GNL3L: variants seen among roughly 807,000 people sequenced by gnomAD.
GNL3L encodes the protein G protein nucleolar 3 like, also known as guanine nucleotide-binding protein-like 3-like protein.
In GNL3L, 4 loss-of-function variants were observed where a neutral mutation model predicts 42.9. That is an observed-to-expected ratio of 0.09 (90% confidence interval 0.05 to 0.21). The LOEUF is 0.21. Among genes scored for constraint, GNL3L ranks in the 10% least tolerant of loss-of-function variants. The probability of loss-of-function intolerance (pLI) is 1.00; values close to 1 mark genes in which losing one functional copy is unlikely to be tolerated. For synonymous variants in GNL3L, 159 were observed against 176.3 expected (o/e 0.90, Z 0.78); for missense variants, 412 against 481.7 (o/e 0.86, Z 1.36).
intron 1 of GNL3L, 62 bp from the exon 2 acceptor site, chrX:54,532,458 G>C (rs1924280555): frequency 1.6e-6 from 1 of 629,394 alleles, no homozygotes; most frequent in Non-Finnish European, 2.7e-6. Flanking sequence ...GGACTTAGGA[G>C]GGGGCTTGTG....
the GNL3L span, among the ~76,000 whole-genome samples, chrX:54,630,241 TA>T: frequency 1.2e-3 from 137 of 111,502 alleles, no homozygotes; most frequent in Admixed American, 2.4e-3. Flanking sequence ...ATTTTTTTGT[TA>T]AAATTTTATT....
chrX:54,615,410 T>C (rs1926209207), intron 16 of GNL3L, among the ~76,000 whole-genome samples: 1 of 112,232 alleles, frequency 8.9e-6, no homozygotes, highest in African/African-American at 3.2e-5. Flanking sequence ...GTACTAGTTT[T>C]CATTTCTTTT....
Position 54,532,585 on chromosome X carries a change from A to C in GNL3L, c.19A>C (p.Lys7Gln). The stretch of plus-strand genomic sequence containing the variant: ...GGTCATCATGATGAAACTTAGACAC[A>C]GTGAGTTTCCTTTACCACCCCTCCC... The part of the protein sequence containing the change: MMKLRH[K>Q]NKKPGEGSKG... The change falls in exon 2 of 16, where the codon AAA (lysine) becomes CAA (glutamine). Residue 7 changes from lysine to glutamine, a missense_variant and splice_region_variant. Transcript: ENST00000360845. The C allele has an allele frequency of 2.6e-6, 3 of 1,172,360 alleles. No individual in the cohort carries two copies. Among genetic ancestry groups the C allele is most frequent in the Non-Finnish European group, 3.5e-6 (3 of 859,431 alleles).
chrX:54,625,694 A>C (rs1203312251), downstream of GNL3L, among the ~76,000 whole-genome samples: 1 of 111,150 alleles, frequency 9.0e-6, no homozygotes, highest in East Asian at 2.8e-4. Context: ...GAAATAACTA[A>C]AATATCTAAT....
At chrX:54,615,664 G>A (rs1004240522) in intron 16 of GNL3L, among the ~76,000 whole-genome samples, 13 of 109,564 alleles carry the variant, frequency 1.2e-4, no homozygotes, top group African/African-American at 3.7e-4. Flanking sequence ...CTTTACCTTC[G>A]AAAACAGATG....
At chrX:54,549,240 AAG>A (rs1266157796) in intron 9 of GNL3L, among the ~76,000 whole-genome samples, 38 of 111,606 alleles carry the variant, frequency 3.4e-4, no homozygotes, top group Non-Finnish European at 6.8e-4. Context: ...CATAGCTCTT[AAG>A]TACACATACA....
At chrX:54,597,469 G>A (rs912697851) in intron 16 of GNL3L, among the ~76,000 whole-genome samples, 2 of 111,074 alleles carry the variant, frequency 1.8e-5, no homozygotes, top group Admixed American at 1.9e-4. Flanking sequence ...TGGAAGGAAG[G>A]CATCTTTTTT....
downstream of GNL3L, among the ~76,000 whole-genome samples, chrX:54,622,047 T>C (rs1193772571): frequency 9.0e-6 from 1 of 110,765 alleles, no homozygotes; most frequent in African/African-American, 3.3e-5. Context: ...TCCACTTTAC[T>C]TTTAGAGTGC....
intron 16 of GNL3L, among the ~76,000 whole-genome samples, chrX:54,618,433 A>C (rs751170474): frequency 1.8e-5 from 2 of 111,369 alleles, no homozygotes; most frequent in African/African-American, 6.5e-5. Context: ...TTTTCAACAG[A>C]TCCATGTTCT....
intron 16 of GNL3L, among the ~76,000 whole-genome samples, chrX:54,612,311 A>C (rs142498097): frequency 9.0e-6 from 1 of 110,986 alleles, no homozygotes; most frequent in East Asian, 2.8e-4. Context: ...GTTAGTCCTT[A>C]TGTGTTAGGT....
chrX:54,562,888 A>G lies in GNL3L; in HGVS notation c.*2286A>G, dbSNP rs777151730. On this transcript the variant is annotated 3_prime_UTR_variant, in exon 16 of 16. Coordinates refer to ENST00000360845, the MANE Select transcript of GNL3L (RefSeq NM_001184819.2). ...GGAACCCAAGCGTGATTAAAACCCT[A>G]TGCAGGCCCTTTCCTCTATATTGTA... Among the ~76,000 whole-genome samples, 3 of 110,750 alleles carry G rather than the reference A, an allele frequency of 2.7e-5. No homozygotes were observed. The highest frequency in any genetic ancestry group is 5.7e-5 in the Non-Finnish European group (3 of 53,015).
In GNL3L at chrX:54,565,648, T is replaced by A; in HGVS notation, c.*5046T>A. 9.1e-6 allele frequency among the ~76,000 whole-genome samples: 1 copy of A among 110,461 alleles called. No homozygotes were observed. The highest frequency in any genetic ancestry group is 2.9e-4 in the East Asian group (1 of 3,497). On this transcript the variant is annotated 3_prime_UTR_variant, in exon 16 of 16. Coordinates refer to ENST00000360845, the MANE Select transcript of GNL3L (RefSeq NM_001184819.2). The stretch of plus-strand genomic sequence containing the variant: ...CCATGCCCAGCCAGGTTTTTTGACA[T>A]TAAGTATGTGGTGGTATCTCATCGT...
Position 54,608,001 on chromosome X carries a change from CAT to C in GNL3L, c.*46-12842_*46-12841del, listed in dbSNP as rs1359981477. Among the ~76,000 whole-genome samples the C allele has an allele frequency of 2.7e-5, 3 of 111,763 alleles. No homozygotes were observed. In the East Asian group the frequency reaches 8.4e-4, roughly 31 times the overall value. On this transcript the variant is annotated intron_variant, in intron 16 of 16. Transcript: ENST00000674498. The stretch of plus-strand genomic sequence containing the variant: ...CATAATGTTAACTGAAAAAGCAAGT[CAT>C]AAAAGAAAACACAAAATAATCTTTG...
Position 54,554,604 on chromosome X carries a change from C to A in GNL3L, c.1358C>A (p.Thr453Lys), listed in dbSNP as rs772121803. The A allele has an allele frequency of 1.7e-6, 2 of 1,202,306 alleles. No homozygotes were observed. Among genetic ancestry groups the A allele is most frequent in the Non-Finnish European group, 2.3e-6 (2 of 887,231 alleles). ...GAATCTGATGAGCTGTTGGGTGACA[C>A]GGACCCACTTGAAATGGAGATCAAG... Reference protein sequence around the residue: ...TGESDELLGDTDPLEMEIKLL... With the variant: ...TGESDELLGDKDPLEMEIKLL... Residue 453 changes from threonine to lysine, a missense_variant, in exon 14 of 16, where the codon ACG (threonine) becomes AAG (lysine). Transcript: ENST00000360845.
In GNL3L at chrX:54,544,192, C is replaced by T. The variant is rs749695251; in HGVS notation, c.527-31C>T. ...AACCATGGAGGTGTTGTTCTGCTTACCAGCCCCATCTGTTCCTATATTTAC... is the reference window on the plus strand; with the variant it reads ...AACCATGGAGGTGTTGTTCTGCTTATCAGCCCCATCTGTTCCTATATTTAC... On this transcript the variant is annotated intron_variant, in intron 7 of 15. Coordinates refer to ENST00000360845, the MANE Select transcript of GNL3L (RefSeq NM_001184819.2). The T allele has an allele frequency of 2.6e-5, 22 of 835,178 alleles. No individual in the cohort carries two copies. The South Asian group carries it at 4.4e-4, about 17-fold the overall frequency. The allele number at this position is 835,178 out of a possible 1,213,427, so 68.8% of individuals were successfully genotyped here.
At chrX:54,593,845 T>G (rs749392024) in intron 16 of GNL3L, among the ~76,000 whole-genome samples, 8 of 111,980 alleles carry the variant, frequency 7.1e-5, no homozygotes, top group African/African-American at 2.6e-4. Flanking sequence ...CTTCTTAATT[T>G]CCTCATTTAC....
At chrX:54,624,809 C>G (rs1926336232), downstream of GNL3L, among the ~76,000 whole-genome samples, 1 of 99,785 alleles carries the variant, frequency 1.0e-5, no homozygotes, top group Non-Finnish European at 1.9e-5. Context: ...TACATGGTCT[C>G]TTTTCTGTGT....
chrX:54,558,472 C>T lies in GNL3L; in HGVS notation c.1483C>T (p.Arg495Cys), dbSNP rs1188384666. The T allele has an allele frequency of 7.5e-6, 9 of 1,206,759 alleles. No individual in the cohort carries two copies. Among genetic ancestry groups the T allele is most frequent in the African/African-American group, 3.5e-5 (2 of 57,613 alleles). ...DLTGYCTNPN[R>C]HQMGWAKRNV... is the part of the protein sequence containing the mutation. ...CACTGGGTATTGCACCAATCCGAAC[C>T]GTCATCAGATGGGGTGGGCTAAACG... Residue 495 changes from arginine to cysteine, a missense_variant, in exon 15 of 16, where the codon CGT (arginine) becomes TGT (cysteine). Transcript: ENST00000360845.
chrX:54,596,333 G>A (rs1377952494), intron 16 of GNL3L, among the ~76,000 whole-genome samples: 2 of 111,839 alleles, frequency 1.8e-5, no homozygotes, highest in South Asian at 3.8e-4. Flanking sequence ...CCCCTTGATG[G>A]CCTTGAACAA....
Sources: allele counts gnomAD v4.1 joint callset (sites outside exome capture counted in the v4.1 genomes callset), GRCh38; gene constraint gnomAD v4.1.1; transcripts MANE v1.5; gene names NCBI Gene and HGNC (gene_info 2026-07-23, HGNC 2026-07-21).